Variants in WWP1 observed in about 807,000 individuals in gnomAD.
WWP1 encodes WW domain containing E3 ubiquitin protein ligase 1.
A neutral mutation model predicts 130.6 loss-of-function variants in WWP1; 49 were observed. The ratio of observed to expected loss-of-function variants is 0.38; its 90% CI spans 0.30 to 0.48. The LOEUF (loss-of-function observed/expected upper bound fraction) is 0.48. Among genes scored for constraint, WWP1 ranks in the 20% least tolerant of loss-of-function variants. The pLI is 0.99. For missense variants in WWP1, 809 were observed against 1,100.6 expected (o/e 0.74, Z 3.75); for synonymous variants, 332 against 367.8 (o/e 0.90, Z 1.11).
intron 20 of WWP1, among the ~76,000 whole-genome samples, chr8:86,449,520 A>G (rs916257278): frequency 3.3e-5 from 5 of 152,252 alleles, no homozygotes; most frequent in African/African-American, 1.2e-4. Context: ...AATATTTTTC[A>G]ATCATTTTTT....
intron 24 of WWP1, among the ~76,000 whole-genome samples, chr8:86,465,271 A>G (rs536442984): frequency 6.6e-6 from 1 of 152,280 alleles, no homozygotes; most frequent in South Asian, 2.1e-4. Flanking sequence ...AAGCAGCAAA[A>G]GTTTTTGAAG....
At chr8:86,453,707 G>A (rs1245062111) in intron 21 of WWP1, among the ~76,000 whole-genome samples, 2 of 151,784 alleles carry the variant, frequency 1.3e-5, no homozygotes, top group Non-Finnish European at 2.9e-5. Context: ...TTTATTTTCT[G>A]TTTCTTGTTT....
intron 21 of WWP1, among the ~76,000 whole-genome samples, chr8:86,457,540 AATAG>A (rs1811523222): frequency 6.6e-6 from 1 of 151,552 alleles, no homozygotes; most frequent in Non-Finnish European, 1.5e-5. Context: ...GTGTATACAT[AATAG>A]ATACACACAC....
At chr8:86,458,637 C>A (rs1047543355) in intron 22 of WWP1, among the ~76,000 whole-genome samples, 3 of 152,100 alleles carry the variant, frequency 2.0e-5, no homozygotes, top group African/African-American at 7.2e-5. Context: ...AACTACTCTA[C>A]TAATTGGGAC....
chr8:86,421,593 G>T (rs902531983), intron 9 of WWP1, among the ~76,000 whole-genome samples: 3 of 152,126 alleles, frequency 2.0e-5, no homozygotes, highest in Non-Finnish European at 4.4e-5. Flanking sequence ...GGGAGGCCGA[G>T]GCGGAAGGAT....
intron 5 of WWP1, among the ~76,000 whole-genome samples, chr8:86,386,536 C>G (rs907149230): frequency 2.0e-5 from 3 of 152,054 alleles, no homozygotes; most frequent in Non-Finnish European, 4.4e-5. Flanking sequence ...GTGGTATACT[C>G]AATTATTTTT....
intron 11 of WWP1, among the ~76,000 whole-genome samples, chr8:86,429,576 G>A (rs1809823140): frequency 6.6e-6 from 1 of 152,084 alleles, no homozygotes; most frequent in Non-Finnish European, 1.5e-5. Flanking sequence ...ACATAAAAAT[G>A]TGTTTTTATG....
At chr8:86,366,298 C>T (rs1823962235) in intron 1 of WWP1, among the ~76,000 whole-genome samples, 1 of 152,136 alleles carries the variant, frequency 6.6e-6, no homozygotes, top group Non-Finnish European at 1.5e-5. Context: ...GGCATAGATG[C>T]AGAGGCTGTG....
At chr8:86,450,777 G>A (rs947492093) in intron 20 of WWP1, among the ~76,000 whole-genome samples, 3 of 152,018 alleles carry the variant, frequency 2.0e-5, no homozygotes, top group Non-Finnish European at 4.4e-5. Context: ...GCACAAAATA[G>A]GCCATCAGTG....
At chr8:86,460,966 C>T (rs1015820720) in intron 22 of WWP1, among the ~76,000 whole-genome samples, 5 of 151,728 alleles carry the variant, frequency 3.3e-5, no homozygotes, top group Admixed American at 3.3e-4. Context: ...CCCGACACCA[C>T]GCCCGGCTAA....
At chr8:86,344,085 A>G (rs890940174) in intron 1 of WWP1, among the ~76,000 whole-genome samples, 5 of 152,120 alleles carry the variant, frequency 3.3e-5, no homozygotes, top group African/African-American at 9.7e-5. Context: ...TTATTGTGTG[A>G]CTTGTTTTTA....
intron 1 of WWP1, among the ~76,000 whole-genome samples, chr8:86,352,831 GA>G (rs1415383585): frequency 6.6e-6 from 1 of 152,214 alleles, no homozygotes; most frequent in Non-Finnish European, 1.5e-5. Context: ...GTAGGCAAGA[GA>G]AATGATACTG....
At chr8:86,460,926 C>T (rs903082169) in intron 22 of WWP1, among the ~76,000 whole-genome samples, 2 of 150,420 alleles carry the variant, frequency 1.3e-5, no homozygotes, top group Non-Finnish European at 1.5e-5. Context: ...TCTCCTGCCT[C>T]AGCCTCTCGA....
In WWP1 at chr8:86,461,456, A is replaced by T. The variant is rs1811762184; in HGVS notation, c.2596+136A>T. ...TAGGGCTTCATTTAGAAGAAAGAAA[A>T]ATGAGTGGCTAATATCAAAGCACTT... On this transcript the variant is annotated intron_variant, in intron 23 of 24. Transcript: ENST00000517970. 1.2e-5 allele frequency: 9 copies of T among 754,138 alleles called. No homozygotes were observed. In the East Asian group the frequency reaches 2.1e-4, roughly 18 times the overall value. The allele number at this position is 754,138 out of a possible 1,614,324, so 46.7% of individuals were successfully genotyped here. A position where few individuals can be genotyped will look rare whatever the true frequency, so the allele number is the denominator to read the frequency against.
chr8:86,443,141 C>T (rs1810680312), intron 18 of WWP1, among the ~76,000 whole-genome samples: 1 of 152,038 alleles, frequency 6.6e-6, no homozygotes, highest in Admixed American at 6.6e-5. Flanking sequence ...GGTGTGATCT[C>T]AGCTAACTGC....
chr8:86,451,381 C>T (rs1026574825), intron 20 of WWP1, among the ~76,000 whole-genome samples: 1 of 151,880 alleles, frequency 6.6e-6, no homozygotes, highest in African/African-American at 2.4e-5. Flanking sequence ...ACAGTGATAG[C>T]TAGGTTTAAA....
chr8:86,432,804 C>T (rs1029825546), intron 14 of WWP1, among the ~76,000 whole-genome samples: 9 of 152,034 alleles, frequency 5.9e-5, no homozygotes, highest in African/African-American at 1.7e-4. Flanking sequence ...GATGGGGTTT[C>T]GCCATGTTGG....
At chr8:86,420,323 C>T (rs566058469) in intron 9 of WWP1, among the ~76,000 whole-genome samples, 7 of 152,056 alleles carry the variant, frequency 4.6e-5, no homozygotes, top group Admixed American at 3.3e-4. Flanking sequence ...TGGGGTTTAA[C>T]GATAAGAATG....
rs947034202 is a variant in WWP1 at position 86,467,946 on chromosome 8, T to C, written c.*1053T>C. 1 of 153,656 alleles carries C rather than the reference T, an allele frequency of 6.5e-6. No individual in the cohort carries two copies. The highest frequency in any genetic ancestry group is 2.4e-5 in the African/African-American group (1 of 41,468). 9.5% of individuals were successfully genotyped at this position (153,656 alleles called of 1,614,324 possible). A position where few individuals can be genotyped will look rare whatever the true frequency, so the allele number is the denominator to read the frequency against. On this transcript the variant is annotated 3_prime_UTR_variant, in exon 25 of 25. Coordinates refer to ENST00000517970, the MANE Select transcript of WWP1 (RefSeq NM_007013.4). The stretch of plus-strand genomic sequence containing the variant: ...TATTTAACTGAATTAAATAACCATA[T>C]GAAAAATCTTTTGGGTCTCCCCCTT...
Sources: allele counts gnomAD v4.1 joint callset (sites outside exome capture counted in the v4.1 genomes callset), GRCh38; gene constraint gnomAD v4.1.1; transcripts MANE v1.5; gene names NCBI Gene and HGNC (gene_info 2026-07-23, HGNC 2026-07-21).